LPP: variants seen among roughly 807,000 people sequenced by gnomAD.
LPP encodes the protein LIM domain containing preferred translocation partner in lipoma, also known as lipoma-preferred partner.
Under a neutral mutation model 60.4 loss-of-function variants are expected in LPP, and 38 were observed. That is an observed-to-expected ratio of 0.63 (90% CI 0.49 to 0.83). The LOEUF (loss-of-function observed/expected upper bound fraction) is 0.83. LPP is among the 40% of genes least tolerant of loss of function. LPP has a pLI of 0.00. For synonymous variants in LPP, 328 were observed against 290.8 expected, an observed-to-expected ratio of 1.13 and a Z score of -1.30; for missense variants, 902 against 783.6, an observed-to-expected ratio of 1.15 and a Z score of -1.80.
At chr3:188,520,388 A>C (rs1818544258) in intron 5 of LPP, among the ~76,000 whole-genome samples, 1 of 152,030 alleles carries the variant, frequency 6.6e-6, no homozygotes, top group African/African-American at 2.4e-5. Flanking sequence ...CCTTTCACTC[A>C]CTTTCTGTGC....
chr3:188,209,204 T>C (rs1344476905), intron 1 of LPP, among the ~76,000 whole-genome samples: 1 of 152,172 alleles, frequency 6.6e-6, no homozygotes, highest in Non-Finnish European at 1.5e-5. Context: ...GGTGTGACCT[T>C]GGGAATATAC....
At chr3:188,844,428 T>C (rs1760926074) in intron 9 of LPP, among the ~76,000 whole-genome samples, 2 of 152,250 alleles carry the variant, frequency 1.3e-5, no homozygotes, top group African/African-American at 4.8e-5. Context: ...GGAAATGCTT[T>C]CTATAAATTT....
intron 7 of LPP, among the ~76,000 whole-genome samples, chr3:188,639,154 G>T (rs953972387): frequency 6.6e-6 from 1 of 152,132 alleles, no homozygotes; most frequent in African/African-American, 2.4e-5. Context: ...CATGGTACTG[G>T]TACCAAAACA....
At chr3:188,336,782 C>A (rs1195398153) in intron 2 of LPP, among the ~76,000 whole-genome samples, 3 of 152,128 alleles carry the variant, frequency 2.0e-5, no homozygotes, top group African/African-American at 7.2e-5. Flanking sequence ...TGTCTCAGAT[C>A]AGCCCAGCCA....
chr3:188,738,946 T>C (rs1723472667), intron 8 of LPP, among the ~76,000 whole-genome samples: 1 of 152,118 alleles, frequency 6.6e-6, no homozygotes, highest in Admixed American at 6.6e-5. Flanking sequence ...CCCCTGCATA[T>C]ACCAATTTGA....
At chr3:188,265,588 C>T (rs182287662) in intron 2 of LPP, among the ~76,000 whole-genome samples, 1 of 152,130 alleles carries the variant, frequency 6.6e-6, no homozygotes, top group Non-Finnish European at 1.5e-5. Flanking sequence ...GAGGGCTTTG[C>T]TGTGGGGATT....
chr3:188,395,069 G>C (rs1780590624), intron 3 of LPP, among the ~76,000 whole-genome samples: 1 of 152,150 alleles, frequency 6.6e-6, no homozygotes, highest in Non-Finnish European at 1.5e-5. Flanking sequence ...AATGCATGAA[G>C]TTGGATTTCT....
chr3:188,397,701 C>T (rs1249500204), intron 3 of LPP, among the ~76,000 whole-genome samples: 4 of 151,946 alleles, frequency 2.6e-5, no homozygotes, highest in Non-Finnish European at 5.9e-5. Flanking sequence ...GCAACCTCTG[C>T]CTCCTGGGTT....
rs776430525 is a variant in LPP at position 188,228,084 on chromosome 3, C to CTTTAGT, written c.-67+2559_-67+2564dup. ...GTCAGAGACCCTCTAGAGAGCCGGG[C>CTTTAGT]TTTAGTTCCTGCCTCACCTTCTGAA... On this transcript the variant is annotated intron_variant, in intron 2 of 11. Coordinates refer to ENST00000617246, the MANE Select transcript of LPP (RefSeq NM_001375462.1). Among the ~76,000 whole-genome samples, 102 of 152,314 alleles carry CTTTAGT rather than the reference C, an allele frequency of 6.7e-4. No individual in the cohort carries two copies. The Middle Eastern group carries it at 0.024, about 36-fold the overall frequency.
intron 6 of LPP, among the ~76,000 whole-genome samples, chr3:188,547,731 C>A (rs974111756): frequency 2.0e-5 from 3 of 152,178 alleles, no homozygotes; most frequent in African/African-American, 7.2e-5. Context: ...GTCGTGTCTT[C>A]TTTTGCAAAA....
chr3:188,684,943 A>C (rs1860360901), intron 7 of LPP, among the ~76,000 whole-genome samples: 2 of 152,248 alleles, frequency 1.3e-5, no homozygotes, highest in African/African-American at 4.8e-5. Flanking sequence ...GCTAGTCAGT[A>C]ATTGGTGCCT....
chr3:188,203,596 T>A (rs1732256795), intron 1 of LPP, among the ~76,000 whole-genome samples: 1 of 112,212 alleles, frequency 8.9e-6, no homozygotes, highest in Non-Finnish European at 1.7e-5. Flanking sequence ...TATATTTAAA[T>A]ATATATAAAT....
intron 7 of LPP, among the ~76,000 whole-genome samples, chr3:188,625,930 A>G (rs1303059456): frequency 6.6e-6 from 1 of 152,190 alleles, no homozygotes; most frequent in African/African-American, 2.4e-5. Context: ...GTAAAAATGT[A>G]TGTGCAAAAA....
Position 188,609,521 on chromosome 3 carries a change from C to T in LPP, c.790C>T (p.Pro264Ser). Residue 264 changes from proline (P) to serine (S), a missense_variant, in exon 7 of 12, where the codon CCT becomes TCT. Transcript: ENST00000617246. The surrounding 1 kb of genome is among the most constrained non-coding windows in gnomAD (Gnocchi z 6.9). ...QPVPVSGQCP[P>S]PSTRGGMDYA... ...AGTTCCTGTCTCTGGGCAGTGTCCA[C>T]CTCCTTCAACACGGGGAGGCATGGA... 6.2e-7 allele frequency: 1 copy of T among 1,614,210 alleles called. No individual in the cohort carries two copies. The highest frequency in any genetic ancestry group is 8.5e-7 in the Non-Finnish European group (1 of 1,180,046).
chr3:188,292,644 T>A (rs1191986953), intron 2 of LPP, among the ~76,000 whole-genome samples: 1 of 152,224 alleles, frequency 6.6e-6, no homozygotes, highest in Non-Finnish European at 1.5e-5. Flanking sequence ...TAGTGCTGTA[T>A]TATTAGCATC....
chr3:188,173,713 A>C (rs1017171552), intron 1 of LPP, among the ~76,000 whole-genome samples: 1 of 152,152 alleles, frequency 6.6e-6, no homozygotes, highest in Admixed American at 6.5e-5. Context: ...CCAGCAAAGC[A>C]GGGCTTAAAA....
At chr3:188,581,200 A>C (rs1276300065) in intron 6 of LPP, among the ~76,000 whole-genome samples, 2 of 152,044 alleles carry the variant, frequency 1.3e-5, no homozygotes, top group East Asian at 3.9e-4. Flanking sequence ...GGGCAAAAAA[A>C]GTCCAGGAAG....
chr3:188,283,176 G>A (rs1577833586), intron 2 of LPP, among the ~76,000 whole-genome samples: 1 of 152,182 alleles, frequency 6.6e-6, no homozygotes, highest in Non-Finnish European at 1.5e-5. Flanking sequence ...GTGAAGTTAG[G>A]TCAGAATGTG....
At chr3:188,859,139 AG>A (rs1158929007) in intron 9 of LPP, among the ~76,000 whole-genome samples, 2 of 147,586 alleles carry the variant, frequency 1.4e-5, no homozygotes, top group African/African-American at 2.5e-5. Context: ...GGCAATATTG[AG>A]TTCCCCTTCA....
Sources: allele counts gnomAD v4.1 joint callset (sites outside exome capture counted in the v4.1 genomes callset), GRCh38; gene constraint gnomAD v4.1.1; non-coding constraint Gnocchi (gnomAD v3.1); transcripts MANE v1.5; gene names NCBI Gene and HGNC (gene_info 2026-07-23, HGNC 2026-07-21).